The following CUX2 variants were observed in gnomAD, a reference collection of about 807,000 sequenced individuals.
The protein encoded by CUX2 is cut like homeobox 2.
In CUX2, 40 loss-of-function variants were observed where a neutral mutation model predicts 144.8. The ratio of observed to expected loss-of-function variants is 0.28; its 90% CI spans 0.21 to 0.36. The LOEUF is 0.36. Among genes scored for constraint, CUX2 ranks in the 10% least tolerant of loss-of-function variants. CUX2 has a pLI of 1.00. For missense variants in CUX2, 1,615 were observed against 1,994.0 expected, an observed-to-expected ratio of 0.81 and a Z score of 3.62; for synonymous variants, 827 against 875.6, an observed-to-expected ratio of 0.94 and a Z score of 0.98.
Position 111,348,200 on chromosome 12 carries a change from C to T in CUX2, c.4336C>T (p.His1446Tyr), listed in dbSNP as rs941015757. 5 of 1,613,942 alleles carry T rather than the reference C, an allele frequency of 3.1e-6. No homozygotes were observed. In the African/African-American group the frequency reaches 6.7e-5, roughly 22 times the overall value. ...SPTADMAGAL[H>Y]PSAKVNPNLQ... Reference sequence around the variant, plus strand: ...CACTGCTGACATGGCTGGAGCCTTGCACCCCAGTGCCAAGGTGAACCCCAA... The same window carrying T: ...CACTGCTGACATGGCTGGAGCCTTGTACCCCAGTGCCAAGGTGAACCCCAA... Residue 1446 changes from histidine (H) to tyrosine (Y), a missense_variant, in exon 22 of 22, where the codon CAC becomes TAC. Physicochemically the swap from His to Tyr is moderately conservative, Grantham distance 83. Coordinates refer to ENST00000261726, the MANE Select transcript of CUX2 (RefSeq NM_015267.4).
intron 1 of CUX2, among the ~76,000 whole-genome samples, chr12:111,100,584 C>T (rs568391527): frequency 4.0e-4 from 61 of 152,136 alleles, no homozygotes; most frequent in Admixed American, 3.0e-3. Flanking sequence ...GGTATGCATG[C>T]GTGTGTGTAA....
At chr12:111,065,628 A>G (rs1428709553) in intron 1 of CUX2, among the ~76,000 whole-genome samples, 1 of 152,178 alleles carries the variant, frequency 6.6e-6, no homozygotes, top group African/African-American at 2.4e-5. Flanking sequence ...GAGCCACCGC[A>G]CCCAGCCACC....
intron 1 of CUX2, among the ~76,000 whole-genome samples, chr12:111,209,009 A>T (rs1881063951): frequency 6.6e-6 from 1 of 152,196 alleles, no homozygotes; most frequent in African/African-American, 2.4e-5. Context: ...AAAAGTCAGG[A>T]ATAGGAAAAA....
chr12:111,171,608 C>T lies in CUX2; in HGVS notation c.64-42592C>T, dbSNP rs532532239. 1.1e-4 allele frequency among the ~76,000 whole-genome samples: 16 copies of T among 152,180 alleles called. No individual in the cohort carries two copies. The East Asian group carries it at 2.1e-3, about 20-fold the overall frequency. On this transcript the variant is annotated intron_variant, in intron 1 of 21. Transcript: ENST00000261726. The surrounding 1 kb of genome is among the most constrained non-coding windows in gnomAD (Gnocchi z 5.0). ...ACCTGACACATCTGGGGCTATGGGA[C>T]GGAAAAGCCCAGAGTGCCCTCTCTG...
Position 111,059,898 on chromosome 12 carries a change from C to T in CUX2, c.63+25658C>T, listed in dbSNP as rs891730541. 3.9e-5 allele frequency among the ~76,000 whole-genome samples: 6 copies of T among 152,128 alleles called. No homozygotes were observed. The highest frequency in any genetic ancestry group is 7.2e-5 in the African/African-American group (3 of 41,424). On this transcript the variant is annotated intron_variant, in intron 1 of 21. Transcript: ENST00000261726. The surrounding 1 kb of genome is among the most constrained non-coding windows in gnomAD (Gnocchi z 5.3). ...CTGGGGAAGCCCCCTTCCCTGCCCC[C>T]GACCTTGGGATCCTGACTCACATGG...
At chr12:111,336,424 T>TTGTGTGTGTG (rs57009074) in intron 19 of CUX2, among the ~76,000 whole-genome samples, 3,005 of 146,094 alleles carry the variant, frequency 0.021, 81 homozygotes, top group African/African-American at 0.06. Context: ...CACTTCAGTG[T>TTGTGTGTGTG]TGTGTGTGTG....
chr12:111,318,242 T>C (rs1445292476), intron 16 of CUX2, among the ~76,000 whole-genome samples: 1 of 124,606 alleles, frequency 8.0e-6, no homozygotes, highest in African/African-American at 3.9e-5. Context: ...TTTTTTCTTT[T>C]TTCTTTTTTT....
chr12:111,166,077 G>T (rs951059148), intron 1 of CUX2, among the ~76,000 whole-genome samples: 1 of 152,130 alleles, frequency 6.6e-6, no homozygotes, highest in African/African-American at 2.4e-5. Context: ...GGGGTGCAGT[G>T]GTGTGATCAC....
In CUX2 at chr12:111,190,751, T is replaced by A. The variant is rs1385950795; in HGVS notation, c.64-23449T>A. ...CCTCTATGTGTAGCTTGTGCAAGAT[T>A]GATTTCATTCTTGATCAGTGAAGAT... is the stretch of plus-strand genomic sequence containing the variant. On this transcript the variant is annotated intron_variant, in intron 1 of 21. Transcript: ENST00000261726. The surrounding 1 kb of genome is among the most constrained non-coding windows in gnomAD (Gnocchi z 4.0). 6.6e-6 allele frequency among the ~76,000 whole-genome samples: 1 copy of A among 152,172 alleles called. No individual in the cohort carries two copies. The highest frequency in any genetic ancestry group is 1.5e-5 in the Non-Finnish European group (1 of 68,040).
chr12:111,302,863 G>A (rs1886358728), intron 9 of CUX2, among the ~76,000 whole-genome samples: 1 of 143,050 alleles, frequency 7.0e-6, no homozygotes, highest in Non-Finnish European at 1.5e-5. Context: ...TTGTGCCACT[G>A]CACTCCAGCC....
chr12:111,302,899 TAAAAAAA>T (rs35454022), intron 9 of CUX2, among the ~76,000 whole-genome samples: 1 of 109,444 alleles, frequency 9.1e-6, no homozygotes, highest in African/African-American at 3.1e-5. Context: ...GACTCTGTCT[TAAAAAAA>T]AAAAAAAAAA....
At chr12:111,115,801 TG>T (rs1267903829) in intron 1 of CUX2, among the ~76,000 whole-genome samples, 1 of 152,214 alleles carries the variant, frequency 6.6e-6, no homozygotes, top group Non-Finnish European at 1.5e-5. Context: ...TGTGAGTATC[TG>T]TTTTGCATTT....
At chr12:111,299,742 C>G (rs576064662) in intron 9 of CUX2, among the ~76,000 whole-genome samples, 1 of 152,314 alleles carries the variant, frequency 6.6e-6, no homozygotes, top group African/African-American at 2.4e-5. Flanking sequence ...GTTCAGAACT[C>G]AAGAAGCTAC....
chr12:111,082,571 A>G (rs1221738830), intron 1 of CUX2, among the ~76,000 whole-genome samples: 1 of 152,190 alleles, frequency 6.6e-6, no homozygotes, highest in East Asian at 1.9e-4. Context: ...GTTAAAGCCC[A>G]GGGTGTAGGG....
rs765909694 is a variant in CUX2, at chr12:111,312,191, G to A, written c.1992G>A (p.Ser664=). 1.9e-5 allele frequency: 30 copies of A among 1,606,734 alleles called. No homozygotes were observed. In the East Asian group the frequency reaches 2.5e-4, roughly 13 times the overall value. Reference sequence around the variant, plus strand: ...AGCAGGCCAAGAAGGAGATCGAGTCGCAGAAGGGCGGTGAGTGTGACCCCT... The same window carrying A: ...AGCAGGCCAAGAAGGAGATCGAGTCACAGAAGGGCGGTGAGTGTGACCCCT... ...ILEQAKKEIE[S]QKGGEPKTSV... The change falls in exon 16 of 22, where the codon TCG becomes TCA. Residue 664 remains serine (S), a synonymous_variant. Coordinates refer to ENST00000261726, the MANE Select transcript of CUX2 (RefSeq NM_015267.4). The surrounding 1 kb of genome is among the most constrained non-coding windows in gnomAD (Gnocchi z 4.3).
Position 111,160,612 on chromosome 12 carries a change from G to T in CUX2, c.64-53588G>T, listed in dbSNP as rs1473784867. On this transcript the variant is annotated intron_variant, in intron 1 of 21. Coordinates refer to ENST00000261726, the MANE Select transcript of CUX2 (RefSeq NM_015267.4). The surrounding 1 kb of genome is among the most constrained non-coding windows in gnomAD (Gnocchi z 4.1). ...GAGGTCTCCTTGGCCACACGAAGGG[G>T]CCTGGGTTTTTGTCTCCATGTCCAG... Among the ~76,000 whole-genome samples the T allele has an allele frequency of 6.6e-6, 1 of 152,182 alleles. No individual in the cohort carries two copies. Among genetic ancestry groups the T allele is most frequent in the East Asian group, 1.9e-4 (1 of 5,176 alleles).
intron 1 of CUX2, among the ~76,000 whole-genome samples, chr12:111,177,894 T>G (rs1878949076): frequency 6.6e-6 from 1 of 152,256 alleles, no homozygotes; most frequent in Non-Finnish European, 1.5e-5. Flanking sequence ...AAAATATAAC[T>G]GTCTCAAAGC....
At position 111,320,817 on chromosome 12, in the gene CUX2, A is replaced by G. The variant is rs1278503900; in HGVS notation, c.2766+42A>G. 1 of 1,429,566 alleles carries G rather than the reference A, an allele frequency of 7.0e-7. No individual in the cohort carries two copies. Among genetic ancestry groups the G allele is most frequent in the East Asian group, 2.8e-5 (1 of 36,210 alleles). The allele number at this position is 1,429,566 out of a possible 1,614,324, so 88.6% of individuals were successfully genotyped here. A position where few individuals can be genotyped will look rare whatever the true frequency, so the allele number is the denominator to read the frequency against. On this transcript the variant is annotated intron_variant, in intron 17 of 21. Transcript: ENST00000261726. The surrounding 1 kb of genome is among the most constrained non-coding windows in gnomAD (Gnocchi z 8.1). ...CCCCCGGTGTCTGGGCTCTGGGAGAAGATGTCGGAGAAGTAGGATGCCCAC... is the reference window on the plus strand; with the variant it reads ...CCCCCGGTGTCTGGGCTCTGGGAGAGGATGTCGGAGAAGTAGGATGCCCAC...
intron 18 of CUX2, among the ~76,000 whole-genome samples, chr12:111,327,158 T>C (rs753383239): frequency 2.0e-5 from 3 of 152,204 alleles, no homozygotes; most frequent in Non-Finnish European, 4.4e-5. Context: ...ATGTTTCATA[T>C]AGATGGAATC....
Sources: gnomAD v4.1 joint callset for allele counts (sites outside exome capture counted in the v4.1 genomes callset) on GRCh38, gnomAD v4.1.1 for gene constraint, Gnocchi (gnomAD v3.1) non-coding constraint, MANE v1.5 for transcripts, NCBI Gene and HGNC (gene_info 2026-07-23, HGNC 2026-07-21) for gene names.